Variants in POU6F2 observed in about 807,000 individuals in gnomAD.
The protein encoded by POU6F2 is POU domain, class 6, transcription factor 2.
In POU6F2, 31 loss-of-function variants were observed where a neutral mutation model predicts 71.3. That is an observed-to-expected ratio of 0.43 (90% CI 0.33 to 0.59). POU6F2 has a LOEUF of 0.59. Among genes scored for constraint, POU6F2 ranks in the 20% least tolerant of loss-of-function variants. The probability of loss-of-function intolerance (pLI) is 0.04; values close to 1 mark genes in which losing one functional copy is unlikely to be tolerated. For missense variants in POU6F2, 783 were observed against 856.8 expected (o/e 0.91, Z 1.07); for synonymous variants, 347 against 355.7 (o/e 0.98, Z 0.27).
intron 2 of POU6F2, among the ~76,000 whole-genome samples, chr7:39,143,693 C>T (rs969121788): frequency 2.0e-5 from 3 of 152,062 alleles, no homozygotes; most frequent in Admixed American, 2.0e-4. Context: ...CCAGGACCAA[C>T]CTAGGGCAAG....
chr7:39,179,149 C>T (rs888642460), intron 2 of POU6F2, among the ~76,000 whole-genome samples: 2 of 152,138 alleles, frequency 1.3e-5, no homozygotes, highest in African/African-American at 4.8e-5. Flanking sequence ...AATTTAAAGT[C>T]ACTGCTACTA....
At chr7:39,214,306 C>T (rs1260019492) in intron 4 of POU6F2, among the ~76,000 whole-genome samples, 1 of 152,140 alleles carries the variant, frequency 6.6e-6, no homozygotes, top group Non-Finnish European at 1.5e-5. Flanking sequence ...CTGTTCCCAC[C>T]CAGAAAGCAT....
chr7:39,400,491 A>C (rs1297880757), intron 5 of POU6F2, among the ~76,000 whole-genome samples: 1 of 152,198 alleles, frequency 6.6e-6, no homozygotes, highest in Admixed American at 6.5e-5. Flanking sequence ...AAGGGCCAGC[A>C]GTGCCTGAGC....
At chr7:39,068,898 C>A (rs1584526506) in intron 1 of POU6F2, among the ~76,000 whole-genome samples, 1 of 152,126 alleles carries the variant, frequency 6.6e-6, no homozygotes, top group East Asian at 1.9e-4. Flanking sequence ...GCATAGATTG[C>A]TGAGCCCTGC....
intron 1 of POU6F2, among the ~76,000 whole-genome samples, chr7:39,036,333 A>G (rs897302203): frequency 6.6e-6 from 1 of 152,196 alleles, no homozygotes; most frequent in African/African-American, 2.4e-5. Context: ...TACCGAAAAT[A>G]GTCTTTTAGA....
chr7:39,379,069 T>C (rs1432715877), intron 5 of POU6F2, among the ~76,000 whole-genome samples: 1 of 152,078 alleles, frequency 6.6e-6, no homozygotes, highest in South Asian at 2.1e-4. Flanking sequence ...AGATAAGTCA[T>C]TGATGGGACC....
At chr7:39,287,580 T>C (rs1784673431) in intron 4 of POU6F2, among the ~76,000 whole-genome samples, 1 of 152,236 alleles carries the variant, frequency 6.6e-6, no homozygotes, top group Non-Finnish European at 1.5e-5. Context: ...TGTCATTCTA[T>C]TCAGGGCCTA....
chr7:39,125,377 T>G (rs1792120905), intron 2 of POU6F2, among the ~76,000 whole-genome samples: 1 of 152,190 alleles, frequency 6.6e-6, no homozygotes, highest in African/African-American at 2.4e-5. Context: ...TATATTTTAG[T>G]GTCCTTCACC....
intron 1 of POU6F2, among the ~76,000 whole-genome samples, chr7:39,065,674 T>C (rs144665766): frequency 1.8e-4 from 28 of 151,656 alleles, no homozygotes; most frequent in Non-Finnish European, 3.3e-4. Flanking sequence ...TACAATTCCA[T>C]TCGGATATAC....
At chr7:39,219,743 T>C (rs1053995407) in intron 4 of POU6F2, among the ~76,000 whole-genome samples, 1 of 152,212 alleles carries the variant, frequency 6.6e-6, no homozygotes, top group African/African-American at 2.4e-5. Context: ...GAACACAGTA[T>C]GTTTGTCATT....
intron 5 of POU6F2, among the ~76,000 whole-genome samples, chr7:39,379,689 TA>T (rs201435001): frequency 1.3e-5 from 2 of 151,986 alleles, no homozygotes; most frequent in African/African-American, 4.8e-5. Context: ...TTTTTTCTTT[TA>T]AAAAAAAATT....
intron 2 of POU6F2, among the ~76,000 whole-genome samples, chr7:39,105,976 C>T (rs1345222848): frequency 6.6e-6 from 1 of 152,130 alleles, no homozygotes; most frequent in Non-Finnish European, 1.5e-5. Context: ...ACATGTTAAG[C>T]TCAGTGCTTG....
At chr7:39,310,284 A>T (rs1245687949) in intron 4 of POU6F2, among the ~76,000 whole-genome samples, 1 of 152,250 alleles carries the variant, frequency 6.6e-6, no homozygotes, top group Admixed American at 6.5e-5. Context: ...GTTGAAAAGT[A>T]GCTGAAGTTT....
chr7:39,294,383 A>T (rs533157415), intron 4 of POU6F2, among the ~76,000 whole-genome samples: 1 of 147,196 alleles, frequency 6.8e-6, no homozygotes, highest in East Asian at 2.3e-4. Flanking sequence ...CAAAAACCAC[A>T]ATTACTTTTG....
intron 7 of POU6F2, among the ~76,000 whole-genome samples, chr7:39,450,093 T>C (rs1788623242): frequency 6.6e-6 from 1 of 152,236 alleles, no homozygotes; most frequent in Admixed American, 6.5e-5. Context: ...GGGTTTATTT[T>C]ATTATGTGTA....
intron 1 of POU6F2, among the ~76,000 whole-genome samples, chr7:39,072,430 A>T (rs1790903299): frequency 6.6e-6 from 1 of 152,182 alleles, no homozygotes; most frequent in Non-Finnish European, 1.5e-5. Context: ...AATGTTAGCA[A>T]GTGGATATGG....
At chr7:39,214,732 G>T (rs1794206997) in intron 4 of POU6F2, among the ~76,000 whole-genome samples, 1 of 152,050 alleles carries the variant, frequency 6.6e-6, no homozygotes, top group African/African-American at 2.4e-5. Flanking sequence ...GTAAAGAGAA[G>T]TAAAGAGAGC....
At chr7:39,299,577 G>A (rs931677706) in intron 4 of POU6F2, among the ~76,000 whole-genome samples, 12 of 152,158 alleles carry the variant, frequency 7.9e-5, no homozygotes, top group Non-Finnish European at 1.6e-4. Context: ...AGGTAATGAG[G>A]GGCTTGAGTT....
chr7:39,172,592 A>G (rs1793241150), intron 2 of POU6F2, among the ~76,000 whole-genome samples: 1 of 147,690 alleles, frequency 6.8e-6, no homozygotes, highest in Non-Finnish European at 1.5e-5. Context: ...AATTATCAGA[A>G]TTATCAGAGG....
Sources: gnomAD v4.1 joint callset for allele counts (sites outside exome capture counted in the v4.1 genomes callset) on GRCh38, gnomAD v4.1.1 for gene constraint, MANE v1.5 for transcripts, NCBI Gene and HGNC (gene_info 2026-07-23, HGNC 2026-07-21) for gene names.